L3MBTL4: variants seen among roughly 807,000 people sequenced by gnomAD.
L3MBTL4 encodes L3MBTL histone methyl-lysine binding protein 4, also known as lethal(3)malignant brain tumor-like protein 4.
L3MBTL4 carries 70 observed loss-of-function variants against 84.5 expected under a neutral mutation model. That is an observed-to-expected ratio of 0.83 (90% CI 0.68 to 1.01). The LOEUF is 1.01. Among genes scored for constraint, L3MBTL4 ranks in the 50% least tolerant of loss-of-function variants. The pLI is 0.00. For missense variants in L3MBTL4, 715 were observed against 754.8 expected (o/e 0.95, Z 0.62); for synonymous variants, 274 against 259.8 (o/e 1.05, Z -0.52).
At chr18:6,210,820 G>T (rs193115820) in intron 12 of L3MBTL4, among the ~76,000 whole-genome samples, 132 of 152,202 alleles carry the variant, frequency 8.7e-4, no homozygotes, top group African/African-American at 3.0e-3. Context: ...GTGTAGGCTT[G>T]TTCTTTGTCC....
chr18:6,031,232 G>C, intron 16 of L3MBTL4: 2 of 985,390 alleles, frequency 2.0e-6, no homozygotes, highest in Non-Finnish European at 2.4e-6. Flanking sequence ...TTTCAAAGGG[G>C]ATTTTGTGAG....
chr18:6,411,556 C>G (rs73375053), intron 1 of L3MBTL4, among the ~76,000 whole-genome samples: 25,093 of 151,996 alleles, frequency 0.17, 2,045 homozygotes, highest in East Asian at 0.17. Flanking sequence ...GCTGTTCCCT[C>G]CCTTCCCTCC....
At chr18:5,957,043 C>A (rs1469016879) in intron 18 of L3MBTL4, among the ~76,000 whole-genome samples, 1 of 152,172 alleles carries the variant, frequency 6.6e-6, no homozygotes, top group Non-Finnish European at 1.5e-5. Flanking sequence ...GAAGTCTTTA[C>A]ACCAAATGTT....
At chr18:6,384,159 C>T (rs1265355383) in intron 1 of L3MBTL4, among the ~76,000 whole-genome samples, 1 of 152,088 alleles carries the variant, frequency 6.6e-6, no homozygotes, top group Non-Finnish European at 1.5e-5. Context: ...CCACTGCTGC[C>T]CTACTGTGCA....
intron 14 of L3MBTL4, among the ~76,000 whole-genome samples, chr18:6,107,402 C>T (rs114325867): frequency 5.9e-5 from 9 of 152,250 alleles, no homozygotes; most frequent in African/African-American, 9.6e-5. Flanking sequence ...GTCTAGACAA[C>T]GGTCTGGAAG....
chr18:6,107,365 T>C (rs1046836555), intron 14 of L3MBTL4, among the ~76,000 whole-genome samples: 10 of 152,106 alleles, frequency 6.6e-5, no homozygotes, highest in Non-Finnish European at 2.9e-5. Context: ...TGATCACAGA[T>C]TCAGTTGGCT....
At chr18:6,195,916 G>A (rs575759223) in intron 12 of L3MBTL4, among the ~76,000 whole-genome samples, 4 of 152,090 alleles carry the variant, frequency 2.6e-5, no homozygotes, top group South Asian at 4.2e-4. Context: ...AAGCTGTGTC[G>A]GCTTAGTTCC....
intron 16 of L3MBTL4, among the ~76,000 whole-genome samples, chr18:6,020,014 T>C (rs759408914): frequency 2.9e-4 from 44 of 152,162 alleles, no homozygotes; most frequent in Admixed American, 2.1e-3. Flanking sequence ...AGACCCTAAG[T>C]TGGGCAATGC....
At position 6,341,814 on chromosome 18, in the gene L3MBTL4, T is replaced by C. The variant is rs150183694; in HGVS notation, c.-90-29758A>G. On this transcript the variant is annotated intron_variant, in intron 1 of 18. Coordinates refer to ENST00000317931, the MANE Select transcript of L3MBTL4 (RefSeq NM_001330559.2). ...GTCCAAAGAACCTCAAATGGTAGAATATAAAAATGTCTCCACCAAGATACA... is the reference window on the plus strand; with the variant it reads ...GTCCAAAGAACCTCAAATGGTAGAACATAAAAATGTCTCCACCAAGATACA... Among the ~76,000 whole-genome samples the C allele has an allele frequency of 2.0e-5, 3 of 151,314 alleles. No homozygotes were observed. In the East Asian group the frequency reaches 5.8e-4, roughly 29 times the overall value.
intron 1 of L3MBTL4, among the ~76,000 whole-genome samples, chr18:6,394,160 T>C (rs1458124426): frequency 1.3e-5 from 2 of 152,276 alleles, no homozygotes; most frequent in South Asian, 4.1e-4. Flanking sequence ...TCCATAACAT[T>C]TAGCACCTTT....
intron 16 of L3MBTL4, among the ~76,000 whole-genome samples, chr18:6,070,740 A>C (rs1306220585): frequency 6.6e-6 from 1 of 152,166 alleles, no homozygotes; most frequent in Non-Finnish European, 1.5e-5. Context: ...CCAGAGGCTG[A>C]GGTGGGAGGA....
At chr18:6,324,697 C>A (rs78544338) in intron 1 of L3MBTL4, among the ~76,000 whole-genome samples, 2 of 152,242 alleles carry the variant, frequency 1.3e-5, no homozygotes, top group Admixed American at 6.5e-5. Context: ...TAGAACACAC[C>A]GGAGCCTGAA....
intron 1 of L3MBTL4, among the ~76,000 whole-genome samples, chr18:6,371,954 A>G (rs1457697109): frequency 6.6e-6 from 1 of 152,154 alleles, no homozygotes; most frequent in Non-Finnish European, 1.5e-5. Flanking sequence ...TGAAGCCATA[A>G]AGAAGATACA....
chr18:6,414,078 C>G lies in L3MBTL4; in HGVS notation c.-91+723G>C, dbSNP rs1459814555. The G allele has an allele frequency of 6.6e-6, 1 of 152,264 alleles. No homozygotes were observed. 9.4% of individuals were successfully genotyped at this position (152,264 alleles called of 1,614,324 possible). On this transcript the variant is annotated intron_variant, in intron 1 of 18. Transcript: ENST00000317931. The surrounding 1 kb of genome is among the most constrained non-coding windows in gnomAD (Gnocchi z 5.4). ...GGGACCAAGCGGGCCCAAGAAGGCCCGGAGAGCAGGCGAGGGCGACTGTGG... is the reference window on the plus strand; with the variant it reads ...GGGACCAAGCGGGCCCAAGAAGGCCGGGAGAGCAGGCGAGGGCGACTGTGG...
At chr18:6,236,972 T>C (rs1245706095) in intron 10 of L3MBTL4, among the ~76,000 whole-genome samples, 1 of 152,182 alleles carries the variant, frequency 6.6e-6, no homozygotes, top group Admixed American at 6.5e-5. Flanking sequence ...TACTCTACAT[T>C]TCTTTCTGTA....
In L3MBTL4 at chr18:6,216,204, A is replaced by G. The variant is rs540487226; in HGVS notation, c.785-369T>C. 3.3e-5 allele frequency among the ~76,000 whole-genome samples: 5 copies of G among 151,746 alleles called. No individual in the cohort carries two copies. The South Asian group carries it at 1.0e-3, about 31-fold the overall frequency. On this transcript the variant is annotated intron_variant, in intron 10 of 18. Transcript: ENST00000317931. ...CACTTACAAGCAACCATCTGACCTC[A>G]TACCATGAATTGGAAAAAAAAGACT...
chr18:6,371,636 T>C lies in L3MBTL4; in HGVS notation c.-91+43165A>G, dbSNP rs562761638. Among the ~76,000 whole-genome samples, 72 of 152,304 alleles carry C rather than the reference T, an allele frequency of 4.7e-4. 2 individuals are homozygous for C. Among genetic ancestry groups the C allele is most frequent in the African/African-American group, 1.7e-3 (69 of 41,566 alleles). On this transcript the variant is annotated intron_variant, in intron 1 of 18. Coordinates refer to ENST00000317931, the MANE Select transcript of L3MBTL4 (RefSeq NM_001330559.2). ...AATTCCCGCCCCAAATGTTACTGAA[T>C]TGTTAAGGCAGGGCACTGGTGCTTG...
At chr18:6,373,111 A>T (rs1355829361) in intron 1 of L3MBTL4, among the ~76,000 whole-genome samples, 1 of 152,154 alleles carries the variant, frequency 6.6e-6, no homozygotes, top group African/African-American at 2.4e-5. Context: ...CCCCCACAAT[A>T]TTCTGGGGAA....
chr18:5,970,297 ACAATGGC>A (rs2052576625), intron 16 of L3MBTL4, among the ~76,000 whole-genome samples: 1 of 152,238 alleles, frequency 6.6e-6, no homozygotes, highest in Admixed American at 6.5e-5. Context: ...AGTACAAAGG[ACAATGGC>A]TGTTTGTTTG....
Sources: gnomAD v4.1 joint callset for allele counts (sites outside exome capture counted in the v4.1 genomes callset) on GRCh38, gnomAD v4.1.1 for gene constraint, Gnocchi (gnomAD v3.1) non-coding constraint, MANE v1.5 for transcripts, NCBI Gene and HGNC (gene_info 2026-07-23, HGNC 2026-07-21) for gene names.